HM13: variants seen among roughly 807,000 people sequenced by gnomAD.
The protein encoded by HM13 is histocompatibility minor 13, also known as signal peptide peptidase.
A neutral mutation model predicts 50.0 loss-of-function variants in HM13; 18 were observed. The observed-to-expected ratio is 0.36, with a 90% CI of 0.25 to 0.53. The LOEUF (loss-of-function observed/expected upper bound fraction) is 0.53, where lower values mean the gene tolerates loss of function less well. HM13 is among the 20% of genes least tolerant of loss of function. The pLI is 0.90. For synonymous variants in HM13, 197 were observed against 232.6 expected (o/e 0.85, Z 1.39); for missense variants, 393 against 552.4 (o/e 0.71, Z 2.89).
At chr20:31,527,323 G>A (rs1180837064) in intron 1 of HM13, among the ~76,000 whole-genome samples, 161 bp from the exon 2 acceptor site, 2 of 143,334 alleles carry the variant, frequency 1.4e-5, no homozygotes, top group East Asian at 3.9e-4. Flanking sequence ...GGGTGATAGA[G>A]CAAGACTCCA....
At chr20:31,533,916 T>C (rs1982964265) in intron 2 of HM13, among the ~76,000 whole-genome samples, 2 of 152,102 alleles carry the variant, frequency 1.3e-5, no homozygotes, top group African/African-American at 4.8e-5. Context: ...GTCTTACTCT[T>C]TCACCCAGGC....
At chr20:31,556,973 T>A (rs1343174907) in intron 8 of HM13, among the ~76,000 whole-genome samples, 1 of 146,636 alleles carries the variant, frequency 6.8e-6, no homozygotes, top group Non-Finnish European at 1.5e-5. Flanking sequence ...GAGCCAAGAT[T>A]GCACCACTGC....
At chr20:31,541,583 G>T (rs899576474) in intron 3 of HM13, 2 of 151,942 alleles carry the variant, frequency 1.3e-5, no homozygotes, top group Non-Finnish European at 2.9e-5. Flanking sequence ...ATTTGATGGG[G>T]ACCAAAAACT....
Position 31,527,482 on chromosome 20 carries a change from A to C in HM13, c.184-2A>C. The C allele has an allele frequency of 6.2e-7, 1 of 1,610,612 alleles. No individual in the cohort carries two copies. Among genetic ancestry groups the C allele is most frequent in the Non-Finnish European group, 8.5e-7 (1 of 1,176,916 alleles). On this transcript the variant is annotated splice_acceptor_variant, in intron 1 of 12. Transcript: ENST00000398174. LOFTEE classifies it high-confidence loss of function. ...AGCCATTGTCATTCTTCTCTCCTCT[A>C]GAATGCTTCAGACATGCCTGAAACA...
At chr20:31,547,737 T>A (rs192947964) in intron 4 of HM13, 3 of 1,059,980 alleles carry the variant, frequency 2.8e-6, no homozygotes, top group Non-Finnish European at 4.3e-6. Flanking sequence ...AGGGGCCTTT[T>A]TGTCCAACTC....
At position 31,527,541 on chromosome 20, in the gene HM13, A is replaced by ATCT; in HGVS notation, c.243_244insTTC (p.Ile81_Ala82insPhe). The ATCT allele has an allele frequency of 6.2e-7, 1 of 1,614,174 alleles. No individual in the cohort carries two copies. The highest frequency in any genetic ancestry group is 8.5e-7 in the Non-Finnish European group (1 of 1,180,008). On this transcript the variant is annotated inframe_insertion, in exon 2 of 13. Coordinates refer to ENST00000398174, the MANE Select transcript of HM13 (RefSeq NM_178581.3). ...CCGGGATGCCGCCCGCTTCCCCATC[A>ATCT]TCGCCAGCTGCACACTCTTGGGGCT... is the stretch of plus-strand genomic sequence containing the variant.
chr20:31,515,012 C>G (rs112836625), intron 1 of HM13, among the ~76,000 whole-genome samples: 1 of 152,178 alleles, frequency 6.6e-6, no homozygotes, highest in Non-Finnish European at 1.5e-5. Context: ...TGCATCATGC[C>G]GCGGCTGGGA....
At chr20:31,520,363 G>A (rs1021236887) in intron 1 of HM13, among the ~76,000 whole-genome samples, 8 of 152,090 alleles carry the variant, frequency 5.3e-5, no homozygotes, top group Non-Finnish European at 8.8e-5. Context: ...GAGTGCAGTG[G>A]TGTGATCTTG....
intron 2 of HM13, among the ~76,000 whole-genome samples, chr20:31,534,984 G>T (rs1983029163): frequency 6.6e-6 from 1 of 152,066 alleles, no homozygotes; most frequent in African/African-American, 2.4e-5. Flanking sequence ...TACTCAGGAG[G>T]CTGAGGCAGG....
At chr20:31,515,112 G>A (rs991629384) in intron 1 of HM13, among the ~76,000 whole-genome samples, 1 of 152,184 alleles carries the variant, frequency 6.6e-6, no homozygotes, top group African/African-American at 2.4e-5. Flanking sequence ...ATGTATACCT[G>A]ATGGATACTG....
intron 3 of HM13, among the ~76,000 whole-genome samples, chr20:31,543,990 T>A (rs757236436): frequency 1.3e-5 from 2 of 152,150 alleles, no homozygotes; most frequent in Non-Finnish European, 2.9e-5. Context: ...GGGTACCTCC[T>A]GGCCTGCCTC....
chr20:31,515,979 C>CTGAG (rs1348000237), intron 1 of HM13, among the ~76,000 whole-genome samples: 1 of 152,220 alleles, frequency 6.6e-6, no homozygotes, highest in Non-Finnish European at 1.5e-5. Context: ...TGAGCAGTAG[C>CTGAG]TGAGGCCTGC....
At chr20:31,517,032 C>T (rs570428404) in intron 1 of HM13, among the ~76,000 whole-genome samples, 64 of 152,280 alleles carry the variant, frequency 4.2e-4, no homozygotes, top group East Asian at 3.9e-3. Context: ...ACACAGGTAC[C>T]TTTAAAGACA....
intron 1 of HM13, among the ~76,000 whole-genome samples, chr20:31,523,071 G>A (rs1226952936): frequency 1.4e-5 from 2 of 144,906 alleles, no homozygotes; most frequent in Non-Finnish European, 3.0e-5. Flanking sequence ...TTTTTTATGA[G>A]ACAGAGTCTC....
In HM13 at chr20:31,529,596, T is replaced by C. The variant is rs117744134; in HGVS notation, c.282+2014T>C. Among the ~76,000 whole-genome samples the C allele has an allele frequency of 2.5e-3, 377 of 152,186 alleles. 10 individuals are homozygous for C. In the East Asian group the frequency reaches 0.065, roughly 26 times the overall value. ...CAGCTTTTTTCCTGGTCATTGAAAA[T>C]TCCTCAAGGATGTCTTTAATTTACA... On this transcript the variant is annotated intron_variant, in intron 2 of 12. Coordinates refer to ENST00000398174, the MANE Select transcript of HM13 (RefSeq NM_178581.3).
intron 10 of HM13, 160 bp from the exon 11 acceptor site, chr20:31,566,050 G>C: frequency 1.9e-6 from 1 of 512,966 alleles, no homozygotes; most frequent in Non-Finnish European, 3.5e-6. Context: ...CCCTTGTCTG[G>C]GAGTTAGGAG....
intron 10 of HM13, chr20:31,562,283 G>T (rs1350665267): frequency 1.2e-5 from 2 of 160,808 alleles, no homozygotes; most frequent in African/African-American, 4.8e-5. Flanking sequence ...GTGTGGCCTG[G>T]AGAGGGGAAG....
Position 31,514,659 on chromosome 20 carries a change from C to T in HM13, c.108C>T (p.Tyr36=), listed in dbSNP as rs377405908. ...CGCCCGAGGGCATCGCGCTGGCCTA[C>T]GGCAGCCTCCTGCTCATGGCGCTGC... ...PSTPEGIALA[Y]GSLLLMALLP... Residue 36 remains tyrosine, a synonymous_variant, in exon 1 of 13, where the codon TAC becomes TAT. Transcript: ENST00000398174. This position sits in a 1 kb window ranked among gnomAD's most constrained non-coding sequence, Gnocchi z 4.3. 1.4e-4 allele frequency: 216 copies of T among 1,566,086 alleles called. No individual in the cohort carries two copies. Among genetic ancestry groups the T allele is most frequent in the Non-Finnish European group, 1.7e-4 (201 of 1,156,532 alleles).
At chr20:31,523,735 G>A (rs1982319437) in intron 1 of HM13, among the ~76,000 whole-genome samples, 1 of 152,218 alleles carries the variant, frequency 6.6e-6, no homozygotes, top group African/African-American at 2.4e-5. Flanking sequence ...GAGGGGATGA[G>A]GAACTTGCCC....
Sources: gnomAD v4.1 joint callset for allele counts (sites outside exome capture counted in the v4.1 genomes callset) on GRCh38, gnomAD v4.1.1 for gene constraint, Gnocchi (gnomAD v3.1) non-coding constraint, MANE v1.5 for transcripts, NCBI Gene and HGNC (gene_info 2026-07-23, HGNC 2026-07-21) for gene names.